PLCZ1: variants seen among roughly 807,000 people sequenced by gnomAD.
PLCZ1 encodes the protein 1-phosphatidylinositol 4,5-bisphosphate phosphodiesterase zeta-1.
A neutral mutation model predicts 76.8 loss-of-function variants in PLCZ1; 64 were observed. The observed-to-expected ratio is 0.83, with a 90% CI of 0.68 to 1.03. The LOEUF is 1.03. PLCZ1 is among the 50% of genes least tolerant of loss of function. The pLI, the probability that PLCZ1 is intolerant of heterozygous loss-of-function variation, is 0.00. For synonymous variants in PLCZ1, 248 were observed against 230.8 expected (o/e 1.07, Z -0.68); for missense variants, 751 against 713.7 (o/e 1.05, Z -0.60).
intron 5 of PLCZ1, among the ~76,000 whole-genome samples, chr12:18,717,819 G>T (rs1247489437): frequency 2.6e-5 from 4 of 152,086 alleles, no homozygotes; most frequent in African/African-American, 7.2e-5. Flanking sequence ...AACATATGAT[G>T]GTTCAACTTA....
the PLCZ1 span, among the ~76,000 whole-genome samples, chr12:18,667,058 A>G: frequency 1.3e-5 from 2 of 152,148 alleles, no homozygotes; most frequent in Non-Finnish European, 1.5e-5. Context: ...TGCATCCTCA[A>G]TGCATCACAG....
At position 18,690,956 on chromosome 12, in the gene PLCZ1, A is replaced by T. The variant is rs7977952; in HGVS notation, c.1462-2738T>A. On this transcript the variant is annotated intron_variant, in intron 12 of 14. Coordinates refer to ENST00000266505, the MANE Select transcript of PLCZ1 (RefSeq NM_033123.4). ...AAATAAATATTACGTATGCATGATA[A>T]TATTAGCACTGTAGCAAAATCTCTC... Among the ~76,000 whole-genome samples, 1,412 of 152,264 alleles carry T rather than the reference A, an allele frequency of 9.3e-3. 23 individuals are homozygous for T. The highest frequency in any genetic ancestry group is 0.031 in the African/African-American group (1,304 of 41,570).
chr12:18,666,074 TAA>T, the PLCZ1 span, among the ~76,000 whole-genome samples: 2 of 151,796 alleles, frequency 1.3e-5, no homozygotes, highest in Non-Finnish European at 2.9e-5. Flanking sequence ...AATCTCCAGG[TAA>T]ACCATTAAGA....
intron 7 of PLCZ1, among the ~76,000 whole-genome samples, chr12:18,704,535 A>G (rs1447776006): frequency 1.3e-5 from 2 of 152,122 alleles, no homozygotes; most frequent in Non-Finnish European, 2.9e-5. Context: ...CATGTTGCTC[A>G]AGGCTGGTTG....
rs1270543665 is a variant in PLCZ1 at position 18,699,894 on chromosome 12, A to T, written c.1074T>A (p.Ala358=). Reference sequence around the variant, plus strand: ...AATGTTGAAAGCTTTTGAATTTCTCAGCTTTCGTATAAATGACAAGATCAG... The same window carrying T: ...AATGTTGAAAGCTTTTGAATTTCTCTGCTTTCGTATAAATGACAAGATCAG... ...ALSDLVIYTK[A]EKFKSFQHSR... is the part of the protein sequence containing the mutation. Residue 358 remains alanine (A), a synonymous_variant, in exon 10 of 15, where the codon GCT becomes GCA. Coordinates refer to ENST00000266505, the MANE Select transcript of PLCZ1 (RefSeq NM_033123.4). 1 of 1,612,688 alleles carries T rather than the reference A, an allele frequency of 6.2e-7. No homozygotes were observed. Among genetic ancestry groups the T allele is most frequent in the Non-Finnish European group, 8.5e-7 (1 of 1,179,474 alleles).
At position 18,704,349 on chromosome 12, in the gene PLCZ1, G is replaced by C. The variant is rs1046539038; in HGVS notation, c.864+817C>G. On this transcript the variant is annotated intron_variant, in intron 7 of 14. Coordinates refer to ENST00000266505, the MANE Select transcript of PLCZ1 (RefSeq NM_033123.4). ...TTCCTTTCTTTTTTTCAATATGAAG[G>C]AGTTTTGTTCTTTTTGCCCAGGCTG... Among the ~76,000 whole-genome samples the C allele has an allele frequency of 4.6e-5, 7 of 152,146 alleles. No homozygotes were observed. The East Asian group carries it at 1.4e-3, about 29-fold the overall frequency.
At chr12:18,683,407 C>G in intron 14 of PLCZ1, 83 bp from the exon 15 acceptor site, 1 of 1,480,294 alleles carries the variant, frequency 6.8e-7, no homozygotes, top group Non-Finnish European at 9.4e-7. Flanking sequence ...AACAAGAGCT[C>G]TTTACTAAGC....
Position 18,708,652 on chromosome 12 carries a change from C to T in PLCZ1, c.715-3337G>A, listed in dbSNP as rs139816887. Among the ~76,000 whole-genome samples the T allele has an allele frequency of 2.2e-3, 337 of 152,108 alleles. 1 individual carries two copies. Among genetic ancestry groups the T allele is most frequent in the African/African-American group, 7.2e-3 (297 of 41,530 alleles). On this transcript the variant is annotated intron_variant, in intron 6 of 14. Coordinates refer to ENST00000266505, the MANE Select transcript of PLCZ1 (RefSeq NM_033123.4). ...AGTGTACAGGGTTCCCTTTTTGCCA[C>T]GCCCTCGCCAACATTTGTTATCATT...
the PLCZ1 span, among the ~76,000 whole-genome samples, chr12:18,666,069 C>A: frequency 1.3e-5 from 2 of 151,706 alleles, no homozygotes; most frequent in Non-Finnish European, 1.5e-5. Context: ...ATGGTAATCT[C>A]CAGGTAAACC....
At chr12:18,661,447 T>C in the PLCZ1 span, among the ~76,000 whole-genome samples, 1 of 151,984 alleles carries the variant, frequency 6.6e-6, no homozygotes, top group African/African-American at 2.4e-5. Context: ...TTTCGTAGGA[T>C]TATATATTTA....
At chr12:18,735,671 C>G (rs1316290819) in intron 3 of PLCZ1, 1 of 152,456 alleles carries the variant, frequency 6.6e-6, no homozygotes, top group Admixed American at 6.6e-5. Context: ...TATGATTGCT[C>G]TATGTGTTTT....
intron 12 of PLCZ1, chr12:18,693,923 T>C: frequency 1.3e-6 from 2 of 1,526,328 alleles, no homozygotes; most frequent in Non-Finnish European, 9.1e-7. Flanking sequence ...CCTGCACGAC[T>C]TGATCATGGC....
chr12:18,651,470 C>G, the PLCZ1 span, among the ~76,000 whole-genome samples: 1 of 152,238 alleles, frequency 6.6e-6, no homozygotes, highest in African/African-American at 2.4e-5. Flanking sequence ...CTTTGTCTCC[C>G]TTCACTAGGC....
chr12:18,672,481 A>G, the PLCZ1 span, among the ~76,000 whole-genome samples: 1 of 152,230 alleles, frequency 6.6e-6, no homozygotes, highest in Non-Finnish European at 1.5e-5. Flanking sequence ...GTATAAATCT[A>G]GGTTAAAACA....
At chr12:18,657,487 CAT>C in the PLCZ1 span, among the ~76,000 whole-genome samples, 1 of 152,102 alleles carries the variant, frequency 6.6e-6, no homozygotes, top group South Asian at 2.1e-4. Flanking sequence ...TCAACATTCA[CAT>C]AGAGCCCATA....
the PLCZ1 span, among the ~76,000 whole-genome samples, chr12:18,652,314 T>C: frequency 0.02 from 3,031 of 152,224 alleles, 48 homozygotes; most frequent in African/African-American, 0.04. Flanking sequence ...GTCACAGATC[T>C]GCACAGAAGG....
chr12:18,649,285 C>A, the PLCZ1 span, among the ~76,000 whole-genome samples: 2 of 152,066 alleles, frequency 1.3e-5, no homozygotes, highest in Admixed American at 6.6e-5. Context: ...TCCAGGTAAG[C>A]AAATTCCATG....
rs1248351902 is a variant in PLCZ1 at position 18,737,984 on chromosome 12, G to A, written c.-191C>T. The A allele has an allele frequency of 4.7e-6, 2 of 425,022 alleles. No homozygotes were observed. Among genetic ancestry groups the A allele is most frequent in the Non-Finnish European group, 8.3e-6 (2 of 239,926 alleles). 26.3% of individuals were successfully genotyped at this position (425,022 alleles called of 1,614,324 possible). On this transcript the variant is annotated 5_prime_UTR_variant, in exon 1 of 15. Transcript: ENST00000266505. ...CTAAGTTCTTAAAATCTTCAAAAGA[G>A]GTATAGCTGGTTGGCTGGGCACCAC...
chr12:18,734,447 T>C (rs1959178918), intron 3 of PLCZ1, among the ~76,000 whole-genome samples: 1 of 152,084 alleles, frequency 6.6e-6, no homozygotes, highest in Admixed American at 6.6e-5. Flanking sequence ...GCCTCCCAGG[T>C]TCAAGCAATT....
Sources: gnomAD v4.1 joint callset for allele counts (sites outside exome capture counted in the v4.1 genomes callset) on GRCh38, gnomAD v4.1.1 for gene constraint, MANE v1.5 for transcripts, NCBI Gene and HGNC (gene_info 2026-07-23, HGNC 2026-07-21) for gene names.